Variants in CDYL2 observed in about 807,000 individuals in gnomAD.
CDYL2 encodes the protein chromodomain Y like 2, also known as chromodomain Y-like protein 2.
Under a neutral mutation model 49.4 loss-of-function variants are expected in CDYL2, and 23 were observed. That is an observed-to-expected ratio of 0.47 (90% CI 0.34 to 0.66). The LOEUF (loss-of-function observed/expected upper bound fraction) is 0.66, where lower values mean the gene tolerates loss of function less well. Ranked by LOEUF, CDYL2 falls within the 30% of genes least tolerant of loss-of-function variation. The pLI, the probability that CDYL2 is intolerant of heterozygous loss-of-function variation, is 0.01. For synonymous variants in CDYL2, 360 were observed against 268.8 expected (o/e 1.34, Z -3.32); for missense variants, 678 against 656.4 (o/e 1.03, Z -0.36).
At chr16:80,712,001 GTGTGTATATATGTGTGTA>G (rs1904615627) in intron 1 of CDYL2, among the ~76,000 whole-genome samples, 1 of 150,512 alleles carries the variant, frequency 6.6e-6, no homozygotes, top group Admixed American at 6.6e-5. Flanking sequence ...GTATATATAT[GTGTGTATATATGTGTGTA>G]TATATATGTG....
At chr16:80,770,487 T>A (rs1260812669) in intron 1 of CDYL2, among the ~76,000 whole-genome samples, 1 of 151,980 alleles carries the variant, frequency 6.6e-6, no homozygotes, top group Non-Finnish European at 1.5e-5. Flanking sequence ...AAGAAAAAAA[T>A]ACATTTTCTA....
intron 4 of CDYL2, among the ~76,000 whole-genome samples, chr16:80,615,452 G>A (rs374910090): frequency 1.5e-4 from 23 of 152,142 alleles, no homozygotes; most frequent in African/African-American, 5.5e-4. Context: ...TCTTCCACTC[G>A]GTGCAGAATT....
At chr16:80,626,152 G>C (rs1312497901) in intron 3 of CDYL2, among the ~76,000 whole-genome samples, 5 of 150,016 alleles carry the variant, frequency 3.3e-5, no homozygotes, top group South Asian at 2.1e-4. Context: ...AAAAAAATTA[G>C]CCAGGCATGG....
intron 2 of CDYL2, among the ~76,000 whole-genome samples, chr16:80,645,035 C>T (rs376304162): frequency 1.3e-5 from 2 of 152,146 alleles, no homozygotes; most frequent in East Asian, 1.9e-4. Context: ...CCATAAAAAC[C>T]CTAGAAGAAA....
intron 2 of CDYL2, among the ~76,000 whole-genome samples, chr16:80,681,830 A>T (rs1043987068): frequency 6.6e-6 from 1 of 152,220 alleles, no homozygotes; most frequent in Non-Finnish European, 1.5e-5. Flanking sequence ...GAGGGAAGCT[A>T]TAAGTTTCAG....
intron 1 of CDYL2, among the ~76,000 whole-genome samples, chr16:80,797,068 A>T (rs1019393117): frequency 6.6e-6 from 1 of 151,978 alleles, no homozygotes; most frequent in South Asian, 2.1e-4. Flanking sequence ...CATCTCTAAA[A>T]TGTCCACTTT....
chr16:80,791,173 G>T (rs1907596818), intron 1 of CDYL2, among the ~76,000 whole-genome samples: 1 of 152,152 alleles, frequency 6.6e-6, no homozygotes, highest in Non-Finnish European at 1.5e-5. Context: ...CTTTCGGTGA[G>T]TTTGGCTTAT....
chr16:80,659,617 T>C (rs1403892499), intron 2 of CDYL2, among the ~76,000 whole-genome samples: 1 of 151,842 alleles, frequency 6.6e-6, no homozygotes, highest in Non-Finnish European at 1.5e-5. Context: ...TATAAATATG[T>C]GTGTCTATAT....
intron 5 of CDYL2, among the ~76,000 whole-genome samples, chr16:80,609,471 G>A (rs1277370000): frequency 4.6e-5 from 7 of 152,214 alleles, no homozygotes; most frequent in Admixed American, 2.0e-4. Context: ...CGCCAGAGTA[G>A]AGGGCAATCT....
chr16:80,756,180 T>A (rs1298351635), intron 1 of CDYL2, among the ~76,000 whole-genome samples: 3 of 151,716 alleles, frequency 2.0e-5, no homozygotes, highest in Non-Finnish European at 4.4e-5. Context: ...AACAACAAAA[T>A]AAAAACTAAG....
At chr16:80,743,421 G>A (rs958452899) in intron 1 of CDYL2, among the ~76,000 whole-genome samples, 3 of 152,188 alleles carry the variant, frequency 2.0e-5, no homozygotes, top group Admixed American at 6.5e-5. Context: ...AGGAACCACA[G>A]ACAAAAAGCC....
chr16:80,683,056 G>A (rs988989748), intron 2 of CDYL2, among the ~76,000 whole-genome samples: 1 of 152,208 alleles, frequency 6.6e-6, no homozygotes, highest in Non-Finnish European at 1.5e-5. Context: ...AGGGGAGCCA[G>A]CTCTGCACGT....
intron 1 of CDYL2, among the ~76,000 whole-genome samples, chr16:80,710,386 A>T (rs1901588): frequency 0.23 from 34,381 of 152,160 alleles, 6,756 homozygotes; most frequent in African/African-American, 0.53. Context: ...AGTTATGTCC[A>T]TATCTTTGAA....
At chr16:80,726,811 A>C (rs1357925355) in intron 1 of CDYL2, among the ~76,000 whole-genome samples, 1 of 151,578 alleles carries the variant, frequency 6.6e-6, no homozygotes, top group Non-Finnish European at 1.5e-5. Context: ...CAAACAGCTA[A>C]GCATGGTGGC....
intron 2 of CDYL2, among the ~76,000 whole-genome samples, chr16:80,643,227 G>A (rs113528937): frequency 1.1e-3 from 166 of 152,300 alleles, no homozygotes; most frequent in Non-Finnish European, 1.9e-3. Context: ...GCTCCAAAAT[G>A]ATCTCCTTTG....
Position 80,607,533 on chromosome 16 carries a change from C to G in CDYL2, c.1362+559G>C, listed in dbSNP as rs1700177662. On this transcript the variant is annotated intron_variant, in intron 6 of 6. Coordinates refer to ENST00000570137, the MANE Select transcript of CDYL2 (RefSeq NM_152342.4). ...CTCCACCTTCCCACAGGATATTCCC[C>G]TGCCGCGCTCTGAGTGACTGTTATG... is the stretch of plus-strand genomic sequence containing the variant. Among the ~76,000 whole-genome samples, 3 of 152,236 alleles carry G rather than the reference C, an allele frequency of 2.0e-5. No homozygotes were observed. The South Asian group carries it at 6.2e-4, about 32-fold the overall frequency.
chr16:80,764,596 T>C lies in CDYL2; in HGVS notation c.24+39554A>G, dbSNP rs371211482. The stretch of plus-strand genomic sequence containing the variant: ...AACAGACACACCATGGGAAAGAATA[T>C]AGAGGTGAAAAACATGCTCAGGTAT... On this transcript the variant is annotated intron_variant, in intron 1 of 6. Coordinates refer to ENST00000570137, the MANE Select transcript of CDYL2 (RefSeq NM_152342.4). Among the ~76,000 whole-genome samples, 69 of 152,200 alleles carry C rather than the reference T, an allele frequency of 4.5e-4. No homozygotes were observed. In the Middle Eastern group the frequency reaches 0.01, roughly 23 times the overall value.
intron 1 of CDYL2, among the ~76,000 whole-genome samples, chr16:80,726,364 C>A (rs1452453562): frequency 2.0e-5 from 3 of 152,146 alleles, no homozygotes; most frequent in Admixed American, 2.0e-4. Flanking sequence ...CAAACAATAA[C>A]TGTATAAATC....
chr16:80,647,181 A>G (rs1421553171), intron 2 of CDYL2, among the ~76,000 whole-genome samples: 3 of 152,206 alleles, frequency 2.0e-5, no homozygotes, highest in Non-Finnish European at 4.4e-5. Context: ...AATAAAAACT[A>G]TAAAATACTG....
Sources: allele counts gnomAD v4.1 joint callset (sites outside exome capture counted in the v4.1 genomes callset), GRCh38; gene constraint gnomAD v4.1.1; transcripts MANE v1.5; gene names NCBI Gene and HGNC (gene_info 2026-07-23, HGNC 2026-07-21).